Variants in DCC observed in about 807,000 individuals in gnomAD.
DCC encodes the protein netrin receptor DCC.
Under a neutral mutation model 172.5 loss-of-function variants are expected in DCC, and 58 were observed. The ratio of observed to expected loss-of-function variants is 0.34; its 90% CI spans 0.27 to 0.42. The LOEUF (loss-of-function observed/expected upper bound fraction) is 0.42. DCC is among the 10% of genes least tolerant of loss of function. DCC has a pLI of 1.00. For missense variants in DCC, 1,740 were observed against 1,791.0 expected (o/e 0.97, Z 0.51); for synonymous variants, 709 against 644.5 (o/e 1.10, Z -1.52).
At chr18:52,895,742 T>TATGGATCC (rs1350230941) in intron 2 of DCC, among the ~76,000 whole-genome samples, 2 of 152,216 alleles carry the variant, frequency 1.3e-5, no homozygotes, top group Admixed American at 1.3e-4. Flanking sequence ...TTTCTTTTTG[T>TATGGATCC]ATACTTATGT....
intron 2 of DCC, among the ~76,000 whole-genome samples, chr18:52,756,671 A>G (rs933396449): frequency 3.9e-5 from 6 of 152,348 alleles, no homozygotes; most frequent in Admixed American, 2.0e-4. Flanking sequence ...CCTTACCGTG[A>G]AAATGAACTT....
intron 1 of DCC, among the ~76,000 whole-genome samples, chr18:52,434,894 T>A (rs1241867126): frequency 6.6e-6 from 1 of 152,194 alleles, no homozygotes; most frequent in African/African-American, 2.4e-5. Flanking sequence ...CAGCATATAT[T>A]CCTCATACCA....
chr18:53,004,122 T>G (rs1056000779), intron 5 of DCC, among the ~76,000 whole-genome samples: 10 of 152,194 alleles, frequency 6.6e-5, no homozygotes, highest in African/African-American at 2.2e-4. Context: ...TGTTTAGAAA[T>G]GTGTTTGGTT....
intron 2 of DCC, among the ~76,000 whole-genome samples, chr18:52,782,324 G>A (rs145685330): frequency 1.4e-4 from 22 of 152,216 alleles, no homozygotes; most frequent in Non-Finnish European, 2.5e-4. Context: ...AACACAGTTC[G>A]GTTTGTAGCA....
chr18:52,568,497 T>G (rs1284859665), intron 1 of DCC, among the ~76,000 whole-genome samples: 1 of 152,186 alleles, frequency 6.6e-6, no homozygotes, highest in Non-Finnish European at 1.5e-5. Context: ...TACAGATATA[T>G]GAAGTTCCTC....
chr18:52,926,254 ATAT>A (rs1216826409), intron 5 of DCC, among the ~76,000 whole-genome samples: 2 of 152,016 alleles, frequency 1.3e-5, no homozygotes, highest in Admixed American at 6.6e-5. Context: ...TTATACCATG[ATAT>A]TATTCCATCC....
intron 1 of DCC, among the ~76,000 whole-genome samples, chr18:52,462,545 G>A (rs2603708): frequency 1.3e-5 from 2 of 152,106 alleles, no homozygotes; most frequent in South Asian, 4.2e-4. Context: ...ACCTCTTTTA[G>A]GTCTTTGCTC....
At chr18:52,975,672 C>T (rs896702134) in intron 5 of DCC, among the ~76,000 whole-genome samples, 6 of 152,066 alleles carry the variant, frequency 3.9e-5, no homozygotes, top group Non-Finnish European at 8.8e-5. Context: ...CATCCATGTT[C>T]GTGCAAAGGA....
intron 1 of DCC, among the ~76,000 whole-genome samples, chr18:52,432,142 C>T (rs1022762175): frequency 6.6e-6 from 1 of 152,034 alleles, no homozygotes; most frequent in Admixed American, 6.6e-5. Context: ...CTTTTTGTCG[C>T]CCCTCATCAC....
intron 1 of DCC, among the ~76,000 whole-genome samples, chr18:52,672,990 G>A (rs978790939): frequency 1.3e-5 from 2 of 152,166 alleles, no homozygotes; most frequent in African/African-American, 4.8e-5. Context: ...TTGAGCCCAG[G>A]AGTTTGAGGC....
chr18:52,603,769 A>G (rs2034067157), intron 1 of DCC, among the ~76,000 whole-genome samples: 2 of 152,048 alleles, frequency 1.3e-5, no homozygotes, highest in Admixed American at 1.3e-4. Flanking sequence ...TTCAATAAAG[A>G]GAAAACCTAA....
intron 1 of DCC, among the ~76,000 whole-genome samples, chr18:52,519,766 A>G (rs1471920162): frequency 6.6e-6 from 1 of 152,230 alleles, no homozygotes; most frequent in African/African-American, 2.4e-5. Context: ...AGGATGGCTG[A>G]CATCTGGCTA....
intron 20 of DCC, among the ~76,000 whole-genome samples, chr18:53,414,975 T>G (rs1237686583): frequency 1.3e-5 from 2 of 152,224 alleles, no homozygotes; most frequent in African/African-American, 2.4e-5. Flanking sequence ...ATTTCTGATT[T>G]AGAAATCACT....
chr18:52,548,537 A>G (rs1439067869), intron 1 of DCC, among the ~76,000 whole-genome samples: 1 of 152,126 alleles, frequency 6.6e-6, no homozygotes, highest in African/African-American at 2.4e-5. Flanking sequence ...ATATCCAGTT[A>G]AAGTGGGCAA....
Position 53,017,833 on chromosome 18 carries a change from A to G in DCC, c.986-45472A>G, listed in dbSNP as rs537816292. Among the ~76,000 whole-genome samples, 10 of 152,328 alleles carry G rather than the reference A, an allele frequency of 6.6e-5. No individual in the cohort carries two copies. The South Asian group carries it at 2.1e-3, about 32-fold the overall frequency. On this transcript the variant is annotated intron_variant, in intron 5 of 28. Coordinates refer to ENST00000442544, the MANE Select transcript of DCC (RefSeq NM_005215.4). ...ATTTTCTTTTTATACATACTACTGC[A>G]GGTTCCGTAAAGTTGTTTCTAATGT...
At position 53,219,704 on chromosome 18, in the gene DCC, A is replaced by G. The variant is rs1408467212; in HGVS notation, c.1911+4107A>G. Among the ~76,000 whole-genome samples, 5 of 152,158 alleles carry G rather than the reference A, an allele frequency of 3.3e-5. No individual in the cohort carries two copies. In the South Asian group the frequency reaches 6.2e-4, roughly 19 times the overall value. ...CAAAGCAACCGAAGAAAAAGTTTCTAGTGCCTTCCTACGTCTTAAAGTGTC... is the reference window on the plus strand; with the variant it reads ...CAAAGCAACCGAAGAAAAAGTTTCTGGTGCCTTCCTACGTCTTAAAGTGTC... On this transcript the variant is annotated intron_variant, in intron 12 of 28. Coordinates refer to ENST00000442544, the MANE Select transcript of DCC (RefSeq NM_005215.4).
chr18:53,297,411 A>G (rs1313582280), intron 12 of DCC, among the ~76,000 whole-genome samples: 2 of 152,232 alleles, frequency 1.3e-5, no homozygotes, highest in African/African-American at 2.4e-5. Flanking sequence ...TTTTTTCCCA[A>G]ATATGAAGAA....
rs536767379 is a variant in DCC, at chr18:53,271,999, C to A, written c.1912-33579C>A. 2.4e-3 allele frequency among the ~76,000 whole-genome samples: 365 copies of A among 152,250 alleles called. 1 individual carries two copies. Among genetic ancestry groups the A allele is most frequent in the African/African-American group, 8.3e-3 (346 of 41,558 alleles). The stretch of plus-strand genomic sequence containing the variant: ...TGTGTGCCCTCCATTAACTTCACAC[C>A]AATTTCAGTCAGTTTGCTGTGTTGT... On this transcript the variant is annotated intron_variant, in intron 12 of 28. Transcript: ENST00000442544.
rs1568294814 is a variant in DCC at position 53,086,230 on chromosome 18, GTTCTTCTTCTTCTTCTTCCT to G, written c.1261+20083_1261+20102del. The stretch of plus-strand genomic sequence containing the variant: ...TCTTTCCTTCCCTTCTTCTTCTTCC[GTTCTTCTTCTTCTTCTTCCT>G]TTCTTCTTCTTCTTCTTCTTCTTCC... On this transcript the variant is annotated intron_variant, in intron 7 of 28. Transcript: ENST00000442544. Among the ~76,000 whole-genome samples the G allele has an allele frequency of 2.0e-4, 6 of 30,502 alleles. 1 individual carries two copies. Among genetic ancestry groups the G allele is most frequent in the African/African-American group, 8.4e-4 (2 of 2,372 alleles). The allele number at this position is 30,502 out of a possible 152,430, so 20.0% of individuals were successfully genotyped here.
Sources: allele counts gnomAD v4.1 joint callset (sites outside exome capture counted in the v4.1 genomes callset), GRCh38; gene constraint gnomAD v4.1.1; transcripts MANE v1.5; gene names NCBI Gene and HGNC (gene_info 2026-07-23, HGNC 2026-07-21).